The following KLHL3 variants were observed in gnomAD, a reference collection of about 807,000 sequenced individuals.
KLHL3 encodes kelch like family member 3.
KLHL3 carries 19 observed loss-of-function variants against 70.5 expected under a neutral mutation model. The observed-to-expected ratio is 0.27, with a 90% CI of 0.19 to 0.40. KLHL3 has a LOEUF of 0.40. KLHL3 is among the 10% of genes least tolerant of loss of function. KLHL3 has a pLI of 1.00. For missense variants in KLHL3, 512 were observed against 771.1 expected, an observed-to-expected ratio of 0.66 and a Z score of 3.98; for synonymous variants, 258 against 290.3, an observed-to-expected ratio of 0.89 and a Z score of 1.13.
In KLHL3 at chr5:137,728,952, C is replaced by T. The variant is rs190797516; in HGVS notation, c.14+6681G>A. Among the ~76,000 whole-genome samples the T allele has an allele frequency of 6.0e-5, 9 of 149,012 alleles. No homozygotes were observed. The East Asian group carries it at 9.7e-4, about 16-fold the overall frequency. On this transcript the variant is annotated intron_variant, in intron 1 of 14. Coordinates refer to ENST00000309755, the MANE Select transcript of KLHL3 (RefSeq NM_017415.3). ...AGTTTACCTATATAACAAACCAGCA[C>T]GTGTACCCCTGAACCTAAAATAAAA...
chr5:137,661,115 G>C (rs575258974), intron 7 of KLHL3: 1 of 152,192 alleles, frequency 6.6e-6, no homozygotes, highest in African/African-American at 2.4e-5. Flanking sequence ...AATAAGTCAC[G>C]TAATGGGTAT....
intron 5 of KLHL3, among the ~76,000 whole-genome samples, chr5:137,688,678 G>A (rs1048961593): frequency 1.1e-4 from 16 of 152,214 alleles, no homozygotes; most frequent in East Asian, 1.9e-4. Flanking sequence ...AGTCAGCACC[G>A]TCTGGGCTTG....
intron 4 of KLHL3, among the ~76,000 whole-genome samples, chr5:137,694,665 G>C (rs1249489323): frequency 2.6e-5 from 4 of 152,312 alleles, no homozygotes; most frequent in African/African-American, 9.6e-5. Flanking sequence ...GTATCAGCTA[G>C]AGTTAAGACT....
In KLHL3 at chr5:137,735,708, C is replaced by T. The variant is rs1489869534; in HGVS notation, c.-62G>A. 2.5e-6 allele frequency: 4 copies of T among 1,613,764 alleles called. No individual in the cohort carries two copies. The South Asian group carries it at 3.3e-5, about 13-fold the overall frequency. ...GTGTATGCACTCGGGGATCCTAGTT[C>T]TGTTCTTGATTCTCCCAGCAGACCA... On this transcript the variant is annotated 5_prime_UTR_variant, in exon 1 of 15. Transcript: ENST00000309755.
At chr5:137,630,267 G>T (rs1452341730) in intron 12 of KLHL3, among the ~76,000 whole-genome samples, 1 of 152,224 alleles carries the variant, frequency 6.6e-6, no homozygotes, top group East Asian at 1.9e-4. Flanking sequence ...GCCTCCCAGG[G>T]ACACTGGACT....
At chr5:137,675,811 A>T (rs1404672629) in intron 6 of KLHL3, among the ~76,000 whole-genome samples, 2 of 152,164 alleles carry the variant, frequency 1.3e-5, no homozygotes, top group African/African-American at 4.8e-5. Context: ...CTCTCAACCC[A>T]CATATCCCAA....
intron 2 of KLHL3, among the ~76,000 whole-genome samples, chr5:137,711,010 A>G (rs967271337): frequency 2.6e-5 from 4 of 152,182 alleles, no homozygotes; most frequent in African/African-American, 9.6e-5. Context: ...AAAGCACTAG[A>G]GAGAGTAGGA....
intron 6 of KLHL3, among the ~76,000 whole-genome samples, chr5:137,669,709 A>T (rs1401374712): frequency 4.6e-5 from 7 of 152,228 alleles, no homozygotes; most frequent in Non-Finnish European, 8.8e-5. Flanking sequence ...CTGCCAGTCA[A>T]TATGGTAGAC....
chr5:137,635,706 G>A (rs1410498763), intron 11 of KLHL3, among the ~76,000 whole-genome samples: 4 of 151,316 alleles, frequency 2.6e-5, no homozygotes, highest in Admixed American at 1.3e-4. Context: ...ATTGAACTCT[G>A]CTGCCCCAGG....
At chr5:137,719,904 A>G (rs1319601263) in intron 2 of KLHL3, among the ~76,000 whole-genome samples, 4 of 152,234 alleles carry the variant, frequency 2.6e-5, no homozygotes, top group Non-Finnish European at 4.4e-5. Context: ...CTGTAACCAT[A>G]AAGGATTTTT....
chr5:137,657,831 A>G (rs1751379271), intron 8 of KLHL3, among the ~76,000 whole-genome samples: 1 of 152,218 alleles, frequency 6.6e-6, no homozygotes. Context: ...TCCAACAGAA[A>G]TAGAGCACAA....
intron 2 of KLHL3, among the ~76,000 whole-genome samples, chr5:137,719,624 T>C (rs1040062109): frequency 2.6e-5 from 4 of 152,242 alleles, no homozygotes; most frequent in African/African-American, 9.6e-5. Flanking sequence ...GCCTTACAAA[T>C]AGCCTGTGTA....
At chr5:137,653,731 C>A (rs1751267710) in intron 8 of KLHL3, among the ~76,000 whole-genome samples, 1 of 152,176 alleles carries the variant, frequency 6.6e-6, no homozygotes, top group Non-Finnish European at 1.5e-5. Flanking sequence ...TACCATACAA[C>A]CCAGCAATCC....
chr5:137,734,411 C>A (rs1753228672), intron 1 of KLHL3, among the ~76,000 whole-genome samples: 1 of 151,542 alleles, frequency 6.6e-6, no homozygotes, highest in Non-Finnish European at 1.5e-5. Flanking sequence ...GTCCCAGGCT[C>A]TTCCTGTGGG....
At chr5:137,648,631 G>C (rs187757720) in intron 8 of KLHL3, among the ~76,000 whole-genome samples, 1 of 152,200 alleles carries the variant, frequency 6.6e-6, no homozygotes, top group Non-Finnish European at 1.5e-5. Context: ...TAGCTGTTCC[G>C]GCTGGGATGT....
At chr5:137,682,375 T>C (rs1205670624) in intron 5 of KLHL3, among the ~76,000 whole-genome samples, 2 of 133,784 alleles carry the variant, frequency 1.5e-5, no homozygotes, top group African/African-American at 5.5e-5. Flanking sequence ...CAGAAAACCT[T>C]AAGAATCCCT....
chr5:137,677,661 CAAAAAAA>C lies in KLHL3; in HGVS notation c.527-14_527-8del, dbSNP rs112292887. 4.0e-6 allele frequency: 5 copies of C among 1,246,398 alleles called. No individual in the cohort carries two copies. In the South Asian group the frequency reaches 7.4e-5, roughly 18 times the overall value. 77.2% of individuals were successfully genotyped at this position (1,246,398 alleles called of 1,614,324 possible). On this transcript the variant is annotated splice_polypyrimidine_tract_variant and splice_region_variant and intron_variant, in intron 5 of 14. Coordinates refer to ENST00000309755, the MANE Select transcript of KLHL3 (RefSeq NM_017415.3). Reference sequence around the variant, plus strand: ...ACCTCTGGAAAGTGCTGCTCTGTTCCAAAAAAAAAAAAAAGAAGTTAAGAAAACAAAG... The same window carrying C: ...ACCTCTGGAAAGTGCTGCTCTGTTCCAAAAAAAGAAGTTAAGAAAACAAAG...
At chr5:137,693,621 A>G (rs141356633) in intron 4 of KLHL3, among the ~76,000 whole-genome samples, 6 of 152,150 alleles carry the variant, frequency 3.9e-5, no homozygotes, top group South Asian at 2.1e-4. Flanking sequence ...AGAAATTTAG[A>G]AAAAAAATCA....
intron 3 of KLHL3, among the ~76,000 whole-genome samples, chr5:137,704,484 C>T (rs1371493434): frequency 6.6e-6 from 1 of 152,224 alleles, no homozygotes; most frequent in African/African-American, 2.4e-5. Context: ...GGCATTACCA[C>T]ACTTGTGTTT....
Sources: allele counts gnomAD v4.1 joint callset (sites outside exome capture counted in the v4.1 genomes callset), GRCh38; gene constraint gnomAD v4.1.1; transcripts MANE v1.5; gene names NCBI Gene and HGNC (gene_info 2026-07-23, HGNC 2026-07-21).